The following JAZF1 variants were observed in gnomAD, a reference collection of about 807,000 sequenced individuals.
JAZF1 encodes the protein juxtaposed with another zinc finger protein 1.
A neutral mutation model predicts 26.4 loss-of-function variants in JAZF1; 8 were observed. The ratio of observed to expected loss-of-function variants is 0.30; its 90% CI spans 0.18 to 0.55. The LOEUF is 0.55. JAZF1 is among the 20% of genes least tolerant of loss of function. The pLI, the probability that JAZF1 is intolerant of heterozygous loss-of-function variation, is 0.94. For missense variants in JAZF1, 199 were observed against 322.0 expected (o/e 0.62, Z 2.92); for synonymous variants, 126 against 122.3 (o/e 1.03, Z -0.20).
intron 1 of JAZF1, among the ~76,000 whole-genome samples, chr7:28,035,476 C>G (rs1265622083): frequency 6.6e-6 from 1 of 151,626 alleles, no homozygotes; most frequent in Non-Finnish European, 1.5e-5. Context: ...AGAGTATCAT[C>G]AAAAATAAAT....
At chr7:27,838,595 C>T (rs1480896366) in intron 4 of JAZF1, among the ~76,000 whole-genome samples, 3 of 152,166 alleles carry the variant, frequency 2.0e-5, no homozygotes, top group African/African-American at 7.2e-5. Context: ...CCACAGTACC[C>T]AGCTTATCCC....
rs151061813 is a variant in JAZF1, at chr7:27,891,506, G to A, written c.385+3714C>T. Among the ~76,000 whole-genome samples the A allele has an allele frequency of 5.0e-3, 766 of 152,258 alleles. 7 individuals are homozygous for A. Among genetic ancestry groups the A allele is most frequent in the Middle Eastern group, 0.02 (6 of 294 alleles). ...CAAGGATAGGAAAGGAAAACAATGA[G>A]AGAAAAAGATTCTTCTAGGATGTAA... is the stretch of plus-strand genomic sequence containing the variant. On this transcript the variant is annotated intron_variant, in intron 3 of 4. Coordinates refer to ENST00000283928, the MANE Select transcript of JAZF1 (RefSeq NM_175061.4).
At chr7:28,079,542 TG>T (rs1208046934) in intron 1 of JAZF1, among the ~76,000 whole-genome samples, 2 of 152,180 alleles carry the variant, frequency 1.3e-5, no homozygotes, top group African/African-American at 4.8e-5. Context: ...ATCATAAAAC[TG>T]ACAAGTCTCC....
At position 27,902,370 on chromosome 7, in the gene JAZF1, TATTTC is replaced by T. The variant is rs1168342927; in HGVS notation, c.189-6959_189-6955del. On this transcript the variant is annotated intron_variant, in intron 2 of 4. Transcript: ENST00000283928. ...GATATACTCTGTCATTTTCCTGTTC[TATTTC>T]ATTTTAACAAAATATGATGGTCATG... Among the ~76,000 whole-genome samples, 6 of 152,350 alleles carry T rather than the reference TATTTC, an allele frequency of 3.9e-5. No individual in the cohort carries two copies. The East Asian group carries it at 1.2e-3, about 29-fold the overall frequency.
intron 1 of JAZF1, among the ~76,000 whole-genome samples, chr7:28,002,708 T>G (rs904428841): frequency 2.0e-5 from 3 of 152,156 alleles, no homozygotes; most frequent in Non-Finnish European, 4.4e-5. Context: ...CACTTAAGTG[T>G]GGCTGGGACT....
chr7:28,117,617 G>A (rs544076369), intron 1 of JAZF1, among the ~76,000 whole-genome samples: 17 of 152,162 alleles, frequency 1.1e-4, no homozygotes, highest in African/African-American at 4.1e-4. Context: ...ATTATCCCAT[G>A]GAAAACACAA....
At chr7:27,980,389 C>A (rs1420451900) in intron 2 of JAZF1, among the ~76,000 whole-genome samples, 3 of 152,082 alleles carry the variant, frequency 2.0e-5, no homozygotes, top group Non-Finnish European at 4.4e-5. Flanking sequence ...TTTTTTCCTA[C>A]CTGTAAATAT....
intron 4 of JAZF1, among the ~76,000 whole-genome samples, chr7:27,833,728 T>G (rs1011063643): frequency 5.3e-5 from 8 of 152,252 alleles, no homozygotes; most frequent in Non-Finnish European, 5.9e-5. Context: ...ATACTAAAGT[T>G]ATCAAAATGC....
rs1189508709 is a variant in JAZF1 at position 27,995,742 on chromosome 7, G to A, written c.116-3761C>T. On this transcript the variant is annotated intron_variant, in intron 1 of 4. Coordinates refer to ENST00000283928, the MANE Select transcript of JAZF1 (RefSeq NM_175061.4). ...AGCTCTATTATAAGGACTTGGCTAT[G>A]TAACACTAGACACAGGTACAAATTG... is the stretch of plus-strand genomic sequence containing the variant. Among the ~76,000 whole-genome samples the A allele has an allele frequency of 2.0e-5, 3 of 152,298 alleles. No individual in the cohort carries two copies. In the East Asian group the frequency reaches 5.8e-4, roughly 29 times the overall value.
intron 1 of JAZF1, among the ~76,000 whole-genome samples, chr7:28,004,352 G>A (rs1394017402): frequency 2.0e-5 from 3 of 151,802 alleles, no homozygotes; most frequent in Non-Finnish European, 4.4e-5. Flanking sequence ...GAGCCTAGAG[G>A]GCCAATGGTT....
chr7:27,913,952 T>C (rs1292565900), intron 2 of JAZF1, among the ~76,000 whole-genome samples: 15 of 151,314 alleles, frequency 9.9e-5, no homozygotes, highest in Admixed American at 6.6e-4. Flanking sequence ...GTTTCATTGA[T>C]GTGTTTCTTT....
chr7:27,981,300 G>A (rs188283362), intron 2 of JAZF1, among the ~76,000 whole-genome samples: 20 of 152,266 alleles, frequency 1.3e-4, no homozygotes, highest in South Asian at 4.1e-4. Flanking sequence ...ACATCTAGAG[G>A]AAACAACCAA....
chr7:28,120,469 G>A (rs1224834053), intron 1 of JAZF1, among the ~76,000 whole-genome samples: 1 of 144,926 alleles, frequency 6.9e-6, no homozygotes, highest in Non-Finnish European at 1.5e-5. Context: ...GTAGAGGAAG[G>A]AAGATGTCTG....
At chr7:27,882,481 A>T (rs1036268403) in intron 3 of JAZF1, among the ~76,000 whole-genome samples, 2 of 152,222 alleles carry the variant, frequency 1.3e-5, no homozygotes, top group African/African-American at 4.8e-5. Flanking sequence ...GGTGCCAGAC[A>T]TGCACAATCT....
At chr7:28,161,356 C>T (rs1176393173) in intron 1 of JAZF1, among the ~76,000 whole-genome samples, 1 of 146,692 alleles carries the variant, frequency 6.8e-6, no homozygotes, top group African/African-American at 2.5e-5. Flanking sequence ...GCCCCAAGAA[C>T]ACTCCTAGAA....
At chr7:28,078,339 A>T (rs1049496119) in intron 1 of JAZF1, among the ~76,000 whole-genome samples, 1 of 152,216 alleles carries the variant, frequency 6.6e-6, no homozygotes, top group Non-Finnish European at 1.5e-5. Context: ...GCGATTATGC[A>T]TGCTTCACCC....
intron 2 of JAZF1, among the ~76,000 whole-genome samples, chr7:27,907,000 A>G (rs1428041208): frequency 6.6e-6 from 1 of 152,194 alleles, no homozygotes; most frequent in South Asian, 2.1e-4. Context: ...TGCTAATGAG[A>G]TGATGCGTAA....
At chr7:28,000,168 G>C (rs1786112653) in intron 1 of JAZF1, among the ~76,000 whole-genome samples, 1 of 152,146 alleles carries the variant, frequency 6.6e-6, no homozygotes, top group Admixed American at 6.5e-5. Flanking sequence ...AATATTTATA[G>C]AGACACTTTT....
At chr7:27,838,193 T>G (rs1417016878) in intron 4 of JAZF1, among the ~76,000 whole-genome samples, 1 of 152,174 alleles carries the variant, frequency 6.6e-6, no homozygotes, top group Non-Finnish European at 1.5e-5. Context: ...CACATGTTGA[T>G]AAACTGTTTT....
Sources: gnomAD v4.1 joint callset for allele counts (sites outside exome capture counted in the v4.1 genomes callset) on GRCh38, gnomAD v4.1.1 for gene constraint, MANE v1.5 for transcripts, NCBI Gene and HGNC (gene_info 2026-07-23, HGNC 2026-07-21) for gene names.